RABL3: variants seen among roughly 807,000 people sequenced by gnomAD.
RABL3 encodes the protein RAB, member of RAS oncogene family like 3, also known as rab-like protein 3.
A neutral mutation model predicts 31.8 loss-of-function variants in RABL3; 31 were observed. That is an observed-to-expected ratio of 0.97 (90% confidence interval 0.73 to 1.31). The LOEUF (loss-of-function observed/expected upper bound fraction) is 1.31. Ranked by LOEUF, RABL3 falls within the 40% of genes most tolerant of loss-of-function variation. RABL3 has a pLI of 0.00. For missense variants in RABL3, 263 were observed against 279.6 expected, an observed-to-expected ratio of 0.94 and a Z score of 0.42; for synonymous variants, 97 against 99.9, an observed-to-expected ratio of 0.97 and a Z score of 0.18.
chr3:120,714,400 T>A (rs1708644886), intron 2 of RABL3, among the ~76,000 whole-genome samples: 1 of 152,238 alleles, frequency 6.6e-6, no homozygotes, highest in Non-Finnish European at 1.5e-5. Flanking sequence ...CAAGGAGGTA[T>A]GTAACATATG....
rs1472999110 is a variant in RABL3, at chr3:120,686,804, T to A, written c.*3019A>T. 6.6e-6 allele frequency: 1 copy of A among 152,214 alleles called. No individual in the cohort carries two copies. The highest frequency in any genetic ancestry group is 2.4e-5 in the African/African-American group (1 of 41,460). 9.4% of individuals were successfully genotyped at this position (152,214 alleles called of 1,614,324 possible). On this transcript the variant is annotated 3_prime_UTR_variant, in exon 8 of 8. Coordinates refer to ENST00000273375, the MANE Select transcript of RABL3 (RefSeq NM_173825.5). ...TTATGTACAGTCTTATGCAGAAGTATAATCAGAGGACAAAAGGACATAATC... is the reference window on the plus strand; with the variant it reads ...TTATGTACAGTCTTATGCAGAAGTAAAATCAGAGGACAAAAGGACATAATC...
At chr3:120,726,698 C>T (rs1708825295) in intron 2 of RABL3, among the ~76,000 whole-genome samples, 2 of 151,834 alleles carry the variant, frequency 1.3e-5, no homozygotes, top group South Asian at 2.1e-4. Context: ...GAGCCAAGAT[C>T]GTGCCACTGC....
chr3:120,723,509 T>A (rs1463713331), intron 2 of RABL3, among the ~76,000 whole-genome samples: 18 of 152,116 alleles, frequency 1.2e-4, no homozygotes, highest in Admixed American at 5.2e-4. Flanking sequence ...AGAGAATTTT[T>A]GACCAATATC....
At chr3:120,737,172 T>C (rs895048875) in intron 1 of RABL3, among the ~76,000 whole-genome samples, 3 of 152,244 alleles carry the variant, frequency 2.0e-5, no homozygotes, top group Non-Finnish European at 4.4e-5. Context: ...CAATCAGACA[T>C]AGATTTGGTA....
chr3:120,735,935 T>A (rs1433505351), intron 1 of RABL3, among the ~76,000 whole-genome samples: 1 of 152,246 alleles, frequency 6.6e-6, no homozygotes, highest in East Asian at 1.9e-4. Context: ...ACTGTTCTTT[T>A]ACATTTACTG....
rs369410582 is a variant in RABL3 at position 120,692,991 on chromosome 3, C to G, written c.606+1162G>C. On this transcript the variant is annotated intron_variant, in intron 6 of 7. Coordinates refer to ENST00000273375, the MANE Select transcript of RABL3 (RefSeq NM_173825.5). Reference sequence around the variant, plus strand: ...TTTGAAAACAATGTGGGCAAAAAATCTGGCTCCTTGCAGTGCTGCACAACA... The same window carrying G: ...TTTGAAAACAATGTGGGCAAAAAATGTGGCTCCTTGCAGTGCTGCACAACA... Among the ~76,000 whole-genome samples, 9 of 152,260 alleles carry G rather than the reference C, an allele frequency of 5.9e-5. No homozygotes were observed. The East Asian group carries it at 1.2e-3, about 20-fold the overall frequency.
intron 2 of RABL3, among the ~76,000 whole-genome samples, chr3:120,725,856 G>C (rs1305162242): frequency 6.6e-6 from 1 of 152,122 alleles, no homozygotes; most frequent in Non-Finnish European, 1.5e-5. Context: ...TAAATTACGA[G>C]TTAATGGGTG....
In RABL3 at chr3:120,685,789, C is replaced by T. The variant is rs1708301236; in HGVS notation, c.*4034G>A. On this transcript the variant is annotated 3_prime_UTR_variant, in exon 8 of 8. Transcript: ENST00000273375. ...TGAGTTTATTTGTCTTTCTTAAAGGCTAGATCCTGACTTATCTGCATGAGA... is the reference window on the plus strand; with the variant it reads ...TGAGTTTATTTGTCTTTCTTAAAGGTTAGATCCTGACTTATCTGCATGAGA... Among the ~76,000 whole-genome samples the T allele has an allele frequency of 6.6e-6, 1 of 152,154 alleles. No homozygotes were observed. The highest frequency in any genetic ancestry group is 2.1e-4 in the South Asian group (1 of 4,830).
intron 1 of RABL3, among the ~76,000 whole-genome samples, chr3:120,735,984 T>C (rs1474250677): frequency 6.6e-6 from 1 of 152,214 alleles, no homozygotes; most frequent in Non-Finnish European, 1.5e-5. Context: ...AGTTTTGCAA[T>C]AAGTGTGATG....
intron 7 of RABL3, among the ~76,000 whole-genome samples, chr3:120,690,233 T>C (rs890073454): frequency 6.6e-6 from 1 of 152,210 alleles, no homozygotes; most frequent in African/African-American, 2.4e-5. Context: ...TTCTATTTTA[T>C]AATGTAATCT....
At chr3:120,742,578 C>T (rs1337427714), upstream of RABL3, 17 of 1,485,602 alleles carry the variant, frequency 1.1e-5, no homozygotes, top group Admixed American at 1.7e-5. Context: ...GCATGGAGGG[C>T]AGAGCCTTCA....
intron 2 of RABL3, among the ~76,000 whole-genome samples, chr3:120,717,536 T>C (rs1708685675): frequency 6.6e-6 from 1 of 152,124 alleles, no homozygotes; most frequent in Non-Finnish European, 1.5e-5. Context: ...TGGCCTGATC[T>C]CAAGTCACTG....
chr3:120,706,201 C>T (rs1708546926), intron 3 of RABL3, 87 bp from the exon 4 acceptor site: 1 of 787,866 alleles, frequency 1.3e-6, no homozygotes, highest in Non-Finnish European at 2.2e-6. Flanking sequence ...TAAACAGAAG[C>T]ATTAGGTTGC....
rs1336213453 is a variant in RABL3 at position 120,688,092 on chromosome 3, A to C, written c.*1731T>G. The C allele has an allele frequency of 2.6e-5, 4 of 152,156 alleles. No homozygotes were observed. Among genetic ancestry groups the C allele is most frequent in the Middle Eastern group, 3.2e-3 (1 of 316 alleles). 9.4% of individuals were successfully genotyped at this position (152,156 alleles called of 1,614,324 possible). On this transcript the variant is annotated 3_prime_UTR_variant, in exon 8 of 8. Coordinates refer to ENST00000273375, the MANE Select transcript of RABL3 (RefSeq NM_173825.5). ...AGGTGTGAGCCACCGCGCCTGGCCT[A>C]TTTTTATTTTTTAAATAAGATAGAA...
chr3:120,711,765 T>C (rs375783452), intron 2 of RABL3, among the ~76,000 whole-genome samples: 2 of 152,284 alleles, frequency 1.3e-5, no homozygotes, highest in East Asian at 1.9e-4. Context: ...GAAATATACA[T>C]GCCAATCTTA....
At chr3:120,703,236 T>C (rs1708513464) in intron 4 of RABL3, among the ~76,000 whole-genome samples, 1 of 152,082 alleles carries the variant, frequency 6.6e-6, no homozygotes, top group Non-Finnish European at 1.5e-5. Context: ...AGTGAAATCA[T>C]ATAAAGTATG....
In RABL3 at chr3:120,709,850, A is replaced by G. The variant is rs1363446439; in HGVS notation, c.198T>C (p.Asp66=). The G allele has an allele frequency of 4.3e-6, 7 of 1,611,680 alleles. No homozygotes were observed. In the South Asian group the frequency reaches 4.4e-5, roughly 10 times the overall value. ...TGGCACTGCCCACAGAGCCTCCAACATCCCATAATTCTATGTAGTAGGTCT... is the reference window on the plus strand; with the variant it reads ...TGGCACTGCCCACAGAGCCTCCAACGTCCCATAATTCTATGTAGTAGGTCT... ...EEKTYYIELW[D]VGGSVGSASS... is the part of the protein sequence containing the mutation. The change falls in exon 3 of 8, where the codon GAT becomes GAC. Residue 66 remains aspartate (D), a synonymous_variant. Coordinates refer to ENST00000273375, the MANE Select transcript of RABL3 (RefSeq NM_173825.5).
chr3:120,702,992 G>T (rs1394123349), intron 4 of RABL3, among the ~76,000 whole-genome samples: 2 of 152,142 alleles, frequency 1.3e-5, no homozygotes, highest in African/African-American at 4.8e-5. Flanking sequence ...AGAAAATTTG[G>T]CCTGGGGACC....
intron 5 of RABL3, among the ~76,000 whole-genome samples, chr3:120,697,612 C>T (rs572791184): frequency 9.9e-5 from 15 of 152,236 alleles, no homozygotes; most frequent in African/African-American, 2.4e-4. Context: ...CTTTTTTACG[C>T]GCTCAGTTCT....
Sources: allele counts gnomAD v4.1 joint callset (sites outside exome capture counted in the v4.1 genomes callset), GRCh38; gene constraint gnomAD v4.1.1; transcripts MANE v1.5; gene names NCBI Gene and HGNC (gene_info 2026-07-23, HGNC 2026-07-21).